AGTPBP1: variants seen among roughly 807,000 people sequenced by gnomAD.
The protein encoded by AGTPBP1 is ATP/GTP binding carboxypeptidase 1.
A neutral mutation model predicts 143.9 loss-of-function variants in AGTPBP1; 70 were observed. The observed-to-expected ratio is 0.49, with a 90% CI of 0.40 to 0.59. The LOEUF (loss-of-function observed/expected upper bound fraction) is 0.59, where lower values mean the gene tolerates loss of function less well. AGTPBP1 is among the 20% of genes least tolerant of loss of function. The probability of loss-of-function intolerance (pLI) is 0.00; values close to 1 mark genes in which losing one functional copy is unlikely to be tolerated. For missense variants in AGTPBP1, 1,229 were observed against 1,464.5 expected (o/e 0.84, Z 2.62); for synonymous variants, 463 against 500.2 (o/e 0.93, Z 0.99).
At chr9:85,796,028 GTGTAAGGAA>G in the AGTPBP1 span, among the ~76,000 whole-genome samples, 1 of 151,992 alleles carries the variant, frequency 6.6e-6, no homozygotes, top group Non-Finnish European at 1.5e-5. Context: ...TAATATTACA[GTGTAAGGAA>G]TGCATATGAG....
intron 17 of AGTPBP1, among the ~76,000 whole-genome samples, chr9:85,600,590 G>C (rs1829600147): frequency 1.3e-5 from 2 of 152,070 alleles, no homozygotes; most frequent in Admixed American, 1.3e-4. Context: ...ACAGGAAAAG[G>C]GTAAGTGAGA....
At chr9:85,715,287 T>G (rs116777268) in intron 1 of AGTPBP1, among the ~76,000 whole-genome samples, 4,383 of 150,904 alleles carry the variant, frequency 0.029, 206 homozygotes, top group African/African-American at 0.1. Context: ...ACAAGAATTC[T>G]GAAGAAGGGA....
At chr9:85,561,339 G>C (rs550492030) in intron 25 of AGTPBP1, among the ~76,000 whole-genome samples, 256 of 148,732 alleles carry the variant, frequency 1.7e-3, no homozygotes, top group African/African-American at 6.0e-3. Flanking sequence ...AGTGAGCCAA[G>C]ATCATGCCAC....
chr9:85,771,346 T>C, the AGTPBP1 span, among the ~76,000 whole-genome samples: 2 of 152,128 alleles, frequency 1.3e-5, no homozygotes, highest in Non-Finnish European at 2.9e-5. Context: ...TGTGGTAGCA[T>C]ACACCTGTAG....
intron 13 of AGTPBP1, among the ~76,000 whole-genome samples, chr9:85,638,018 A>G (rs1010493548): frequency 2.6e-5 from 4 of 152,218 alleles, no homozygotes; most frequent in Non-Finnish European, 5.9e-5. Context: ...TACACTAAAC[A>G]TAAAAAAGCA....
chr9:85,560,735 AAGAAT>A (rs1226419674), intron 25 of AGTPBP1, among the ~76,000 whole-genome samples: 1 of 152,230 alleles, frequency 6.6e-6, no homozygotes, highest in Non-Finnish European at 1.5e-5. Context: ...CAGTGAAAGA[AAGAAT>A]AGGTGAATTA....
chr9:85,690,918 A>C (rs1835828833), intron 3 of AGTPBP1, among the ~76,000 whole-genome samples: 1 of 152,170 alleles, frequency 6.6e-6, no homozygotes, highest in South Asian at 2.1e-4. Flanking sequence ...TTCAGTGGTA[A>C]TGCTGGAGTA....
chr9:85,557,462 C>A (rs769013071), intron 25 of AGTPBP1, among the ~76,000 whole-genome samples: 38 of 152,184 alleles, frequency 2.5e-4, no homozygotes, highest in Admixed American at 3.9e-4. Flanking sequence ...TCTCCAATTA[C>A]ATGACTTATC....
chr9:85,795,031 C>G, the AGTPBP1 span, among the ~76,000 whole-genome samples: 2 of 152,114 alleles, frequency 1.3e-5, no homozygotes. Context: ...AGTCAAGAAA[C>G]TTAGGTGGTG....
chr9:85,639,985 C>T (rs966185958), intron 13 of AGTPBP1, among the ~76,000 whole-genome samples: 1 of 152,100 alleles, frequency 6.6e-6, no homozygotes, highest in Non-Finnish European at 1.5e-5. Flanking sequence ...ACAAAGCAGG[C>T]GGTGTTCAAG....
intron 25 of AGTPBP1, among the ~76,000 whole-genome samples, chr9:85,558,998 C>T (rs1479545733): frequency 6.6e-6 from 1 of 152,292 alleles, no homozygotes; most frequent in East Asian, 1.9e-4. Flanking sequence ...GTCACCACTA[C>T]AATATCCTAA....
chr9:85,772,648 G>C, the AGTPBP1 span, among the ~76,000 whole-genome samples: 2 of 152,104 alleles, frequency 1.3e-5, no homozygotes, highest in African/African-American at 4.8e-5. Context: ...AGCTATGTGG[G>C]AGGCTGAGGT....
At chr9:85,786,443 A>G in the AGTPBP1 span, 1 of 1,613,862 alleles carries the variant, frequency 6.2e-7, no homozygotes, top group South Asian at 1.1e-5. Context: ...CACACCTGTA[A>G]AACTGTGTCG....
At chr9:85,665,090 G>C (rs1333020087) in intron 8 of AGTPBP1, among the ~76,000 whole-genome samples, 2 of 152,088 alleles carry the variant, frequency 1.3e-5, no homozygotes, top group Non-Finnish European at 2.9e-5. Context: ...TGTTCAAAAA[G>C]GTATGTTGAA....
At chr9:85,756,331 A>G in the AGTPBP1 span, 13 of 1,392,446 alleles carry the variant, frequency 9.3e-6, no homozygotes, top group East Asian at 1.8e-4. Flanking sequence ...TCAGAAAAAC[A>G]TAATAAGAAA....
At chr9:85,624,475 C>T (rs1035886010) in intron 14 of AGTPBP1, among the ~76,000 whole-genome samples, 1 of 152,154 alleles carries the variant, frequency 6.6e-6, no homozygotes, top group Non-Finnish European at 1.5e-5. Flanking sequence ...ATATAAAATG[C>T]TTGTTACTGA....
intron 1 of AGTPBP1, among the ~76,000 whole-genome samples, chr9:85,734,520 AC>A (rs1409207662): frequency 6.6e-6 from 1 of 152,190 alleles, no homozygotes; most frequent in Non-Finnish European, 1.5e-5. Flanking sequence ...GAAACCAAAT[AC>A]AGCAACATGA....
At chr9:85,697,181 C>G (rs1025108168) in intron 2 of AGTPBP1, among the ~76,000 whole-genome samples, 1 of 151,720 alleles carries the variant, frequency 6.6e-6, no homozygotes, top group Non-Finnish European at 1.5e-5. Flanking sequence ...ACAACACACA[C>G]AAAAAAATGT....
intron 2 of AGTPBP1, among the ~76,000 whole-genome samples, chr9:85,694,602 T>C (rs1378556143): frequency 6.6e-6 from 1 of 152,148 alleles, no homozygotes; most frequent in Non-Finnish European, 1.5e-5. Context: ...ACTCGCCTGA[T>C]TTTCCTCCTC....
Sources: allele counts gnomAD v4.1 joint callset (sites outside exome capture counted in the v4.1 genomes callset), GRCh38; gene constraint gnomAD v4.1.1; transcripts MANE v1.5; gene names NCBI Gene and HGNC (gene_info 2026-07-23, HGNC 2026-07-21).